The following MED13L variants were observed in gnomAD, a reference collection of about 807,000 sequenced individuals.
MED13L encodes the protein mediator of RNA polymerase II transcription subunit 13-like.
Under a neutral mutation model 220.9 loss-of-function variants are expected in MED13L, and 7 were observed. The observed-to-expected ratio is 0.03, with a 90% CI of 0.02 to 0.06. MED13L has a LOEUF of 0.06. MED13L is among the 10% of genes least tolerant of loss of function. The probability of loss-of-function intolerance (pLI) is 1.00; values close to 1 mark genes in which losing one functional copy is unlikely to be tolerated. For missense variants in MED13L, 1,965 were observed against 2,760.5 expected, an observed-to-expected ratio of 0.71 and a Z score of 6.46; for synonymous variants, 1,011 against 1,015.2, an observed-to-expected ratio of 1.00 and a Z score of 0.08.
chr12:116,073,212 T>C (rs904698519), intron 4 of MED13L, among the ~76,000 whole-genome samples: 2 of 152,042 alleles, frequency 1.3e-5, no homozygotes, highest in Admixed American at 6.5e-5. Flanking sequence ...AACTCTAATT[T>C]TTAAAAAAAA....
intron 4 of MED13L, among the ~76,000 whole-genome samples, chr12:116,042,480 A>G (rs909979642): frequency 6.6e-6 from 1 of 152,238 alleles, no homozygotes; most frequent in Non-Finnish European, 1.5e-5. Context: ...AAGGCAAGGC[A>G]CATCAAATTA....
chr12:116,135,903 C>CTTT (rs772070607), intron 2 of MED13L, among the ~76,000 whole-genome samples: 1 of 139,918 alleles, frequency 7.1e-6, no homozygotes, highest in Non-Finnish European at 1.6e-5. Context: ...CAAAGATTCC[C>CTTT]TTTTTTTTTT....
intron 4 of MED13L, among the ~76,000 whole-genome samples, chr12:116,024,773 CGGGGGGG>C (rs796599611): frequency 2.0e-4 from 1 of 5,098 alleles, no homozygotes; most frequent in Admixed American, 2.7e-3. Flanking sequence ...TTTGGCGGGG[CGGGGGGG>C]GGGGGGAGGT....
chr12:116,215,742 A>C (rs1377403130), intron 2 of MED13L, among the ~76,000 whole-genome samples: 1 of 152,158 alleles, frequency 6.6e-6, no homozygotes, highest in African/African-American at 2.4e-5. Flanking sequence ...GGATCAAAAC[A>C]CCAGATGTGA....
At chr12:115,995,639 TCTCAAACTCCTGAG>T (rs1011101096) in intron 16 of MED13L, among the ~76,000 whole-genome samples, 2 of 152,078 alleles carry the variant, frequency 1.3e-5, no homozygotes, top group African/African-American at 2.4e-5. Flanking sequence ...CCCAGGCTGG[TCTCAAACTCCTGAG>T]CTCAAGCAAT....
intron 8 of MED13L, 148 bp from the exon 9 acceptor site, chr12:116,013,049 T>C (rs900119174): frequency 1.5e-6 from 1 of 677,404 alleles, no homozygotes. Context: ...TAAAACAACC[T>C]GTTTTATGTA....
chr12:116,103,909 G>T (rs926487507), intron 3 of MED13L, among the ~76,000 whole-genome samples: 2 of 150,160 alleles, frequency 1.3e-5, no homozygotes, highest in African/African-American at 4.9e-5. Context: ...GTTACATCAC[G>T]ATTTCTTCAA....
Position 116,123,280 on chromosome 12 carries a change from T to C in MED13L, c.311-11768A>G, listed in dbSNP as rs191602717. 5.3e-5 allele frequency among the ~76,000 whole-genome samples: 8 copies of C among 152,266 alleles called. No individual in the cohort carries two copies. The East Asian group carries it at 1.3e-3, about 26-fold the overall frequency. ...AATTTTTAAAATAAGGATCCTATATTAAACAAGGCTGTATGTTCAGAAATT... is the reference window on the plus strand; with the variant it reads ...AATTTTTAAAATAAGGATCCTATATCAAACAAGGCTGTATGTTCAGAAATT... On this transcript the variant is annotated intron_variant, in intron 2 of 30. Transcript: ENST00000281928.
At chr12:115,985,406 G>A (rs192123824) in intron 19 of MED13L, among the ~76,000 whole-genome samples, 2 of 152,208 alleles carry the variant, frequency 1.3e-5, no homozygotes, top group Admixed American at 1.3e-4. Context: ...TTACTATTCC[G>A]TGCCTACTCA....
chr12:115,988,737 T>C lies in MED13L; in HGVS notation c.3935-1449A>G, dbSNP rs559265649. Among the ~76,000 whole-genome samples, 14 of 152,330 alleles carry C rather than the reference T, an allele frequency of 9.2e-5. No homozygotes were observed. In the East Asian group the frequency reaches 2.7e-3, roughly 29 times the overall value. The stretch of plus-strand genomic sequence containing the variant: ...ACATTATCTGGTACTTTTAGGCATC[T>C]TAAAATTTGAAACCCAGACCTCCCC... On this transcript the variant is annotated intron_variant, in intron 17 of 30. Transcript: ENST00000281928.
chr12:116,242,910 A>G (rs983754622), intron 1 of MED13L, among the ~76,000 whole-genome samples: 1 of 152,232 alleles, frequency 6.6e-6, no homozygotes, highest in Non-Finnish European at 1.5e-5. Context: ...AGAGGATTAT[A>G]AAATAGTACA....
At chr12:115,963,186 C>A (rs191365974) in intron 30 of MED13L, among the ~76,000 whole-genome samples, 47 of 152,304 alleles carry the variant, frequency 3.1e-4, no homozygotes, top group African/African-American at 1.1e-3. Context: ...GCAAAGGCAA[C>A]TATAAATGCC....
chr12:116,023,078 T>A (rs1880157391), intron 4 of MED13L, among the ~76,000 whole-genome samples: 1 of 152,260 alleles, frequency 6.6e-6, no homozygotes, highest in East Asian at 1.9e-4. Context: ...GGAGGATAAC[T>A]TGAGGCCAGA....
intron 1 of MED13L, among the ~76,000 whole-genome samples, chr12:116,272,927 A>G (rs1339178302): frequency 6.6e-6 from 1 of 152,258 alleles, no homozygotes; most frequent in Non-Finnish European, 1.5e-5. Context: ...TATTAAAAAT[A>G]TATAAATACT....
rs1231927640 is a variant in MED13L at position 115,983,218 on chromosome 12, A to C, written c.4854T>G (p.Thr1618=). Residue 1618 remains threonine (T), a synonymous_variant, in exon 21 of 31, where the codon ACT becomes ACG. Coordinates refer to ENST00000281928, the MANE Select transcript of MED13L (RefSeq NM_015335.5). ...SGSVGGQNPS[T]GGISADRTQG... is the part of the protein sequence containing the mutation. ...GCGTTCTATCCGCAGAAATGCCCCC[A>C]GTGCTGGGGTTCTGCCCTCCAACAC... The C allele has an allele frequency of 9.9e-6, 16 of 1,614,118 alleles. No individual in the cohort carries two copies. The highest frequency in any genetic ancestry group is 1.4e-5 in the Non-Finnish European group (16 of 1,179,980).
rs1326113391 is a variant in MED13L, at chr12:116,008,630, G to A, written c.1783C>T (p.Leu595=). Residue 595 remains leucine (L), a synonymous_variant, in exon 10 of 31, where the codon CTG becomes TTG. Coordinates refer to ENST00000281928, the MANE Select transcript of MED13L (RefSeq NM_015335.5). ...CCTACGAGGACAGTTCTGTCATCCA[G>A]AGTAGACAACTGCTGGAGTTCTAGT... is the stretch of plus-strand genomic sequence containing the variant. The part of the protein sequence containing the change: ...NGLELQQLST[L]DDRTVLVGQR... 8 of 1,613,964 alleles carry A rather than the reference G, an allele frequency of 5.0e-6. No homozygotes were observed. The highest frequency in any genetic ancestry group is 4.0e-5 in the African/African-American group (3 of 74,920).
intron 2 of MED13L, among the ~76,000 whole-genome samples, chr12:116,180,980 GA>G (rs1880479881): frequency 6.7e-6 from 1 of 148,264 alleles, no homozygotes; most frequent in Admixed American, 6.8e-5. Context: ...ACCCAGGCTG[GA>G]GTGCGGTGGC....
At chr12:116,101,026 A>G (rs887600357) in intron 3 of MED13L, among the ~76,000 whole-genome samples, 4 of 152,220 alleles carry the variant, frequency 2.6e-5, no homozygotes, top group African/African-American at 9.6e-5. Context: ...CTGGTCAACT[A>G]CGAAGCATGT....
At chr12:116,101,460 C>G (rs1873059062) in intron 3 of MED13L, among the ~76,000 whole-genome samples, 1 of 152,126 alleles carries the variant, frequency 6.6e-6, no homozygotes, top group Non-Finnish European at 1.5e-5. Context: ...TTTATAATCA[C>G]TAATCACGGG....
Sources: allele counts gnomAD v4.1 joint callset (sites outside exome capture counted in the v4.1 genomes callset), GRCh38; gene constraint gnomAD v4.1.1; transcripts MANE v1.5; gene names NCBI Gene and HGNC (gene_info 2026-07-23, HGNC 2026-07-21).